The following SEMA3C variants were observed in gnomAD, a reference collection of about 807,000 sequenced individuals.
SEMA3C encodes semaphorin 3C.
SEMA3C carries 47 observed loss-of-function variants against 89.4 expected under a neutral mutation model. The observed-to-expected ratio is 0.53, with a 90% confidence interval of 0.42 to 0.67. The LOEUF (loss-of-function observed/expected upper bound fraction) is 0.67, where lower values mean the gene tolerates loss of function less well. Among genes scored for constraint, SEMA3C ranks in the 30% least tolerant of loss-of-function variants. SEMA3C has a pLI of 0.00. For synonymous variants in SEMA3C, 310 were observed against 320.2 expected, an observed-to-expected ratio of 0.97 and a Z score of 0.34; for missense variants, 839 against 929.1, an observed-to-expected ratio of 0.90 and a Z score of 1.26.
intron 2 of SEMA3C, among the ~76,000 whole-genome samples, chr7:80,873,545 T>G (rs1444642550): frequency 1.3e-5 from 2 of 152,178 alleles, no homozygotes; most frequent in Non-Finnish European, 2.9e-5. Flanking sequence ...CAAGGAGAAC[T>G]GAGTAACATC....
rs781524424 is a variant in SEMA3C, at chr7:80,916,746, T to C, written c.36A>G (p.Val12=). ...AFRTICVLVG[V]FICSICVKGS... Reference sequence around the variant, plus strand: ...CTTTCACACAGATAGAACAAATAAATACTCCAACCAACACGCAAATTGTCC... The same window carrying C: ...CTTTCACACAGATAGAACAAATAAACACTCCAACCAACACGCAAATTGTCC... The change falls in exon 2 of 18, where the codon GTA becomes GTG. Residue 12 remains valine, a synonymous_variant. Transcript: ENST00000265361. 47 of 1,613,374 alleles carry C rather than the reference T, an allele frequency of 2.9e-5. No individual in the cohort carries two copies. The highest frequency in any genetic ancestry group is 4.0e-5 in the Non-Finnish European group (47 of 1,179,610).
intron 2 of SEMA3C, among the ~76,000 whole-genome samples, chr7:80,854,327 G>C (rs1293456860): frequency 2.0e-5 from 3 of 152,200 alleles, no homozygotes; most frequent in Non-Finnish European, 4.4e-5. Context: ...TGAAGGTACA[G>C]GAAAAGGGGA....
intron 11 of SEMA3C, among the ~76,000 whole-genome samples, chr7:80,793,982 A>G (rs959238018): frequency 6.6e-6 from 1 of 151,972 alleles, no homozygotes. Flanking sequence ...AACTCATTTT[A>G]TGTTTCAACC....
At position 80,764,561 on chromosome 7, in the gene SEMA3C, A is replaced by C. The variant is rs534690781; in HGVS notation, c.1443+594T>G. Among the ~76,000 whole-genome samples, 48 of 140,406 alleles carry C rather than the reference A, an allele frequency of 3.4e-4. 1 individual carries two copies. The highest frequency in any genetic ancestry group is 2.9e-3 in the Admixed American group (42 of 14,372). 92.1% of individuals were successfully genotyped at this position (140,406 alleles called of 152,430 possible). ...TTACAGTACTGAACTTCCCTTGTGT[A>C]TGTTTTTTTTTCTGTCCTTTTTTTC... On this transcript the variant is annotated intron_variant, in intron 13 of 17. Transcript: ENST00000265361.
chr7:80,846,936 T>A (rs535287212), intron 2 of SEMA3C, among the ~76,000 whole-genome samples: 1 of 152,288 alleles, frequency 6.6e-6, no homozygotes, highest in African/African-American at 2.4e-5. Context: ...AACTCTAAAG[T>A]TCTTTCCACG....
chr7:80,792,791 A>T (rs949342299), intron 11 of SEMA3C, among the ~76,000 whole-genome samples: 2 of 152,146 alleles, frequency 1.3e-5, no homozygotes, highest in African/African-American at 4.8e-5. Flanking sequence ...TATTCTATTG[A>T]TTCATGCCAT....
intron 17 of SEMA3C, among the ~76,000 whole-genome samples, chr7:80,745,741 A>T (rs568707666): frequency 6.6e-6 from 1 of 152,214 alleles, no homozygotes; most frequent in East Asian, 1.9e-4. Context: ...TCGCCAGTGA[A>T]AACATGAAGC....
chr7:80,828,248 C>T (rs2115814309), intron 3 of SEMA3C, among the ~76,000 whole-genome samples: 1 of 152,242 alleles, frequency 6.6e-6, no homozygotes, highest in South Asian at 2.1e-4. Context: ...AGGCCCTTCA[C>T]TGGTTACACA....
At chr7:80,867,312 A>G (rs1790950905) in intron 2 of SEMA3C, among the ~76,000 whole-genome samples, 1 of 151,896 alleles carries the variant, frequency 6.6e-6, no homozygotes, top group Non-Finnish European at 1.5e-5. Flanking sequence ...TACTGCCCAG[A>G]CTGGTCTAGA....
intron 2 of SEMA3C, chr7:80,905,870 CT>C: frequency 7.8e-7 from 1 of 1,289,696 alleles, no homozygotes; most frequent in Non-Finnish European, 1.0e-6. Context: ...CGCCACACTT[CT>C]TTTTGTACCC....
intron 4 of SEMA3C, 132 bp from the exon 5 acceptor site, chr7:80,818,550 G>A (rs1328251895): frequency 1.0e-6 from 1 of 963,668 alleles, no homozygotes; most frequent in East Asian, 2.7e-5. Context: ...ATTAGTCCAG[G>A]GGCGTCCAAT....
At chr7:80,771,845 G>T (rs1788441874) in intron 12 of SEMA3C, among the ~76,000 whole-genome samples, 1 of 152,038 alleles carries the variant, frequency 6.6e-6, no homozygotes, top group African/African-American at 2.4e-5. Flanking sequence ...CAGCTTCATG[G>T]GTGTGTCACC....
chr7:80,885,744 T>TTGCTACATCTAC (rs1326166758), intron 2 of SEMA3C, among the ~76,000 whole-genome samples: 1 of 152,172 alleles, frequency 6.6e-6, no homozygotes, highest in Non-Finnish European at 1.5e-5. Context: ...GTCAAAGTGA[T>TTGCTACATCTAC]GTAAATTTAT....
intron 2 of SEMA3C, among the ~76,000 whole-genome samples, chr7:80,895,136 C>T (rs926960969): frequency 6.6e-6 from 1 of 152,166 alleles, no homozygotes; most frequent in African/African-American, 2.4e-5. Context: ...CATAAATCCA[C>T]CTTCTCTTTG....
chr7:80,789,351 C>T lies in SEMA3C; in HGVS notation c.1309G>A (p.Val437Met). The T allele has an allele frequency of 1.2e-6, 2 of 1,614,036 alleles. No homozygotes were observed. The highest frequency in any genetic ancestry group is 1.7e-6 in the Non-Finnish European group (2 of 1,179,970). Residue 437 changes from valine to methionine, a missense_variant, in exon 12 of 18, where the codon GTG (valine) becomes ATG (methionine). Coordinates refer to ENST00000265361, the MANE Select transcript of SEMA3C (RefSeq NM_006379.5). ...YKYTKIAVDR[V>M]NAADGRYHVL... is the part of the protein sequence containing the mutation. The stretch of plus-strand genomic sequence containing the variant: ...TGGTATCTCCCATCAGCAGCGTTCA[C>T]TCGATCCACAGCTATCTTTGTATAC...
chr7:80,898,732 A>G (rs1324735058), intron 2 of SEMA3C, among the ~76,000 whole-genome samples: 2 of 152,018 alleles, frequency 1.3e-5, no homozygotes, highest in East Asian at 3.9e-4. Flanking sequence ...CACTGAAATT[A>G]CAGAATAATT....
chr7:80,838,337 T>C (rs1455272814), intron 2 of SEMA3C, among the ~76,000 whole-genome samples: 2 of 152,186 alleles, frequency 1.3e-5, no homozygotes, highest in Non-Finnish European at 2.9e-5. Flanking sequence ...ATCTCTAATG[T>C]TCTGTATAGC....
At chr7:80,880,563 G>A (rs1791310068) in intron 2 of SEMA3C, among the ~76,000 whole-genome samples, 1 of 152,106 alleles carries the variant, frequency 6.6e-6, no homozygotes, top group African/African-American at 2.4e-5. Flanking sequence ...ATCTATGCCT[G>A]GGGGGAAATG....
At chr7:80,816,484 G>C (rs760116053) in intron 5 of SEMA3C, among the ~76,000 whole-genome samples, 1 of 152,132 alleles carries the variant, frequency 6.6e-6, no homozygotes, top group Non-Finnish European at 1.5e-5. Flanking sequence ...TCTGCATCAC[G>C]TGGTCATTTT....
Sources: allele counts gnomAD v4.1 joint callset (sites outside exome capture counted in the v4.1 genomes callset), GRCh38; gene constraint gnomAD v4.1.1; transcripts MANE v1.5; gene names NCBI Gene and HGNC (gene_info 2026-07-23, HGNC 2026-07-21).